Variants in ALDH1A1 observed in about 807,000 individuals in gnomAD.
The protein encoded by ALDH1A1 is aldehyde dehydrogenase 1 family member A1, also known as aldehyde dehydrogenase 1A1.
A neutral mutation model predicts 62.1 loss-of-function variants in ALDH1A1; 19 were observed. The observed-to-expected ratio is 0.31, with a 90% CI of 0.21 to 0.45. The LOEUF (loss-of-function observed/expected upper bound fraction) is 0.45, where lower values mean the gene tolerates loss of function less well. Among genes scored for constraint, ALDH1A1 ranks in the 20% least tolerant of loss-of-function variants. The pLI is 1.00. For missense variants in ALDH1A1, 521 were observed against 607.1 expected (o/e 0.86, Z 1.49); for synonymous variants, 231 against 215.9 (o/e 1.07, Z -0.61).
At chr9:72,919,379 T>C (rs1275693977) in intron 7 of ALDH1A1, among the ~76,000 whole-genome samples, 4 of 152,176 alleles carry the variant, frequency 2.6e-5, no homozygotes, top group African/African-American at 9.7e-5. Context: ...CTTCTCATTA[T>C]TTGTCCACCC....
At chr9:72,940,381 T>C in intron 1 of ALDH1A1, 129 bp from the exon 2 acceptor site, 1 of 670,480 alleles carries the variant, frequency 1.5e-6, no homozygotes, top group Non-Finnish European at 2.6e-6. Flanking sequence ...TCTCAAAACT[T>C]TCTGGCTGTT....
chr9:72,928,822 A>G (rs756971015), intron 4 of ALDH1A1, 70 bp downstream of exon 4: 5 of 1,418,362 alleles, frequency 3.5e-6, no homozygotes, highest in Non-Finnish European at 4.6e-6. Flanking sequence ...GGAGAGTTTG[A>G]AATTATTCAG....
At chr9:72,917,134 T>C in intron 8 of ALDH1A1, 30 bp from the exon 9 acceptor site, 1 of 1,379,948 alleles carries the variant, frequency 7.2e-7, no homozygotes, top group Non-Finnish European at 9.4e-7. Flanking sequence ...ATTAAAGATA[T>C]ATTTTATAAA....
intron 2 of ALDH1A1, among the ~76,000 whole-genome samples, chr9:72,937,478 C>G (rs181228919): frequency 1.2e-4 from 19 of 152,214 alleles, no homozygotes; most frequent in Non-Finnish European, 1.9e-4. Context: ...TGCCTGGCAC[C>G]GTTGAAGAGC....
intron 5 of ALDH1A1, among the ~76,000 whole-genome samples, chr9:72,926,062 A>G (rs1173447902): frequency 6.6e-6 from 1 of 152,240 alleles, no homozygotes; most frequent in African/African-American, 2.4e-5. Flanking sequence ...TCCAGGGTCC[A>G]GAGGCCAAGT....
Position 72,921,138 on chromosome 9 carries a change from T to A in ALDH1A1, c.748-2316A>T, listed in dbSNP as rs575985750. On this transcript the variant is annotated intron_variant, in intron 7 of 12. Coordinates refer to ENST00000297785, the MANE Select transcript of ALDH1A1 (RefSeq NM_000689.5). ...GGTGGGCGCCTGTAGTCCCAGCTACTCGGGAGGCTGAGGCAGGAGAATGGC... is the reference window on the plus strand; with the variant it reads ...GGTGGGCGCCTGTAGTCCCAGCTACACGGGAGGCTGAGGCAGGAGAATGGC... Among the ~76,000 whole-genome samples the A allele has an allele frequency of 2.7e-5, 4 of 150,774 alleles. No individual in the cohort carries two copies. The East Asian group carries it at 7.9e-4, about 30-fold the overall frequency.
chr9:72,946,470 A>G (rs1043464608), intron 1 of ALDH1A1, among the ~76,000 whole-genome samples: 1 of 151,954 alleles, frequency 6.6e-6, no homozygotes, highest in Non-Finnish European at 1.5e-5. Context: ...ACCCAATATT[A>G]GCAACACTTC....
chr9:72,947,263 C>T (rs1385735964), intron 1 of ALDH1A1, among the ~76,000 whole-genome samples: 1 of 152,002 alleles, frequency 6.6e-6, no homozygotes, highest in Non-Finnish European at 1.5e-5. Context: ...AGCTCTGGCA[C>T]TTTCTGAAAG....
intron 7 of ALDH1A1, 53 bp downstream of exon 7, chr9:72,923,966 C>A: frequency 1.6e-6 from 2 of 1,229,900 alleles, no homozygotes; most frequent in Admixed American, 2.3e-5. Context: ...AAACATACTT[C>A]ATAGCTGGCA....
At chr9:72,949,132 A>G (rs1830508332) in intron 1 of ALDH1A1, among the ~76,000 whole-genome samples, 2 of 151,930 alleles carry the variant, frequency 1.3e-5, no homozygotes, top group Admixed American at 6.6e-5. Context: ...TAGTTCACAC[A>G]GACATTTCAC....
chr9:72,906,722 A>G (rs910041842), intron 11 of ALDH1A1, among the ~76,000 whole-genome samples: 7 of 152,220 alleles, frequency 4.6e-5, no homozygotes, highest in Non-Finnish European at 1.0e-4. Context: ...CAATTTGTTT[A>G]GCTTTAAATT....
intron 8 of ALDH1A1, 121 bp from the exon 9 acceptor site, chr9:72,917,225 G>A: frequency 2.7e-6 from 2 of 727,464 alleles, no homozygotes; most frequent in East Asian, 3.6e-5. Flanking sequence ...CATGGGCTCA[G>A]TATAGTTTAC....
chr9:72,930,816 C>T, intron 3 of ALDH1A1, 63 bp downstream of exon 3: 1 of 1,597,866 alleles, frequency 6.3e-7, no homozygotes. Context: ...AAACAACTTG[C>T]CATTTCAAAC....
Position 72,901,003 on chromosome 9 carries a change from T to TG in ALDH1A1, c.*204dup, listed in dbSNP as rs34476430. On this transcript the variant is annotated 3_prime_UTR_variant, in exon 13 of 13. Coordinates refer to ENST00000297785, the MANE Select transcript of ALDH1A1 (RefSeq NM_000689.5). ...GTCTTTTTTTATTTAGGATAGGACT[T>TG]GGGGGTCACATTTCAGAAGGCAAAT... 9.0e-6 allele frequency: 4 copies of TG among 442,024 alleles called. No individual in the cohort carries two copies. The highest frequency in any genetic ancestry group is 5.9e-5 in the African/African-American group (3 of 50,906). The allele number at this position is 442,024 out of a possible 1,614,324, so 27.4% of individuals were successfully genotyped here. A position where few individuals can be genotyped will look rare whatever the true frequency, so the allele number is the denominator to read the frequency against.
chr9:72,920,976 G>A (rs972600008), intron 7 of ALDH1A1, among the ~76,000 whole-genome samples: 8 of 152,154 alleles, frequency 5.3e-5, no homozygotes, highest in East Asian at 3.9e-4. Context: ...GGGATATTGC[G>A]GTGGCTCACG....
intron 10 of ALDH1A1, 104 bp downstream of exon 10, chr9:72,911,854 G>T: frequency 7.7e-7 from 1 of 1,294,660 alleles, no homozygotes; most frequent in Non-Finnish European, 1.1e-6. Flanking sequence ...GGTTTAGAGG[G>T]AAAGATGTTC....
At chr9:72,901,313 A>T in intron 12 of ALDH1A1, 33 bp from the exon 13 acceptor site, 2 of 1,443,408 alleles carry the variant, frequency 1.4e-6, no homozygotes, top group South Asian at 2.3e-5. Context: ...CACAAACACC[A>T]TTTAGCACAG....
At chr9:72,928,481 A>G (rs1039896358) in intron 4 of ALDH1A1, among the ~76,000 whole-genome samples, 1 of 152,178 alleles carries the variant, frequency 6.6e-6, no homozygotes, top group African/African-American at 2.4e-5. Flanking sequence ...ACTGACTTAT[A>G]CTGGAACATG....
chr9:72,935,323 G>T (rs915325120), intron 2 of ALDH1A1, among the ~76,000 whole-genome samples: 4 of 152,004 alleles, frequency 2.6e-5, no homozygotes, highest in Admixed American at 2.6e-4. Flanking sequence ...TAACAATTTT[G>T]CTTATAGCAC....
Sources: gnomAD v4.1 joint callset for allele counts (sites outside exome capture counted in the v4.1 genomes callset) on GRCh38, gnomAD v4.1.1 for gene constraint, MANE v1.5 for transcripts, NCBI Gene and HGNC (gene_info 2026-07-23, HGNC 2026-07-21) for gene names.